The following CNNM2 variants were observed in gnomAD, a reference collection of about 807,000 sequenced individuals.
CNNM2 encodes metal transporter CNNM2.
A neutral mutation model predicts 66.9 loss-of-function variants in CNNM2; 12 were observed. The ratio of observed to expected loss-of-function variants is 0.18; its 90% CI spans 0.11 to 0.29. The LOEUF (loss-of-function observed/expected upper bound fraction) is 0.29. Ranked by LOEUF, CNNM2 falls within the 10% of genes least tolerant of loss-of-function variation. The pLI, the probability that CNNM2 is intolerant of heterozygous loss-of-function variation, is 1.00. For missense variants in CNNM2, 705 were observed against 1,167.7 expected, an observed-to-expected ratio of 0.60 and a Z score of 5.77; for synonymous variants, 557 against 501.8, an observed-to-expected ratio of 1.11 and a Z score of -1.47.
At chr10:102,995,357 C>T (rs1180270455) in intron 1 of CNNM2, among the ~76,000 whole-genome samples, 1 of 150,030 alleles carries the variant, frequency 6.7e-6, no homozygotes, top group East Asian at 2.0e-4. Context: ...GGACTACAGG[C>T]ATGTGCCACT....
At chr10:103,063,665 A>C (rs1211784916) in intron 4 of CNNM2, among the ~76,000 whole-genome samples, 2 of 152,214 alleles carry the variant, frequency 1.3e-5, no homozygotes, top group Non-Finnish European at 2.9e-5. Context: ...TTTACTCAGG[A>C]AGCCAACTTT....
intron 1 of CNNM2, among the ~76,000 whole-genome samples, chr10:103,002,926 CAT>C (rs965186814): frequency 3.9e-5 from 6 of 152,118 alleles, no homozygotes; most frequent in Admixed American, 2.6e-4. Context: ...GAAAGAAAAA[CAT>C]ATATTCACAT....
intron 6 of CNNM2, 70 bp downstream of exon 6, chr10:103,071,909 C>T (rs2065590590): frequency 7.4e-7 from 1 of 1,356,736 alleles, no homozygotes; most frequent in Non-Finnish European, 1.1e-6. Flanking sequence ...GCCTGGCTGG[C>T]TGGGTCTGCT....
At chr10:103,017,696 T>G (rs1242135795) in intron 1 of CNNM2, among the ~76,000 whole-genome samples, 1 of 152,052 alleles carries the variant, frequency 6.6e-6, no homozygotes, top group Non-Finnish European at 1.5e-5. Flanking sequence ...CTGGGCACAG[T>G]GACTCACACC....
At chr10:102,995,594 T>C (rs1469156332) in intron 1 of CNNM2, among the ~76,000 whole-genome samples, 4 of 152,046 alleles carry the variant, frequency 2.6e-5, no homozygotes, top group Non-Finnish European at 5.9e-5. Context: ...AGTTTTCAGG[T>C]TATGTAGATA....
chr10:102,937,916 C>T (rs1476976174), intron 1 of CNNM2, among the ~76,000 whole-genome samples: 1 of 151,922 alleles, frequency 6.6e-6, no homozygotes, highest in Non-Finnish European at 1.5e-5. Context: ...TGAGCCACTG[C>T]ACCCAACCCC....
At chr10:102,990,947 A>G (rs1291930773) in intron 1 of CNNM2, among the ~76,000 whole-genome samples, 1 of 152,198 alleles carries the variant, frequency 6.6e-6, no homozygotes. Context: ...ATCTCTGTGT[A>G]CAAATGAGAC....
At chr10:103,023,871 G>C (rs1161542821) in intron 1 of CNNM2, among the ~76,000 whole-genome samples, 1 of 152,110 alleles carries the variant, frequency 6.6e-6, no homozygotes, top group Non-Finnish European at 1.5e-5. Context: ...ATTGAGACTA[G>C]TATAATGAAT....
intron 1 of CNNM2, among the ~76,000 whole-genome samples, chr10:102,991,477 C>T (rs1278172730): frequency 6.6e-6 from 1 of 152,104 alleles, no homozygotes; most frequent in African/African-American, 2.4e-5. Context: ...AGTATCTGAT[C>T]TTAGGATTTG....
At chr10:102,988,096 T>G (rs554274140) in intron 1 of CNNM2, among the ~76,000 whole-genome samples, 25 of 152,138 alleles carry the variant, frequency 1.6e-4, no homozygotes, top group African/African-American at 5.8e-4. Context: ...GTCAGGAGTT[T>G]GAGACCAGCC....
chr10:103,053,533 C>G (rs1294959333), intron 2 of CNNM2, among the ~76,000 whole-genome samples: 1 of 152,108 alleles, frequency 6.6e-6, no homozygotes, highest in Non-Finnish European at 1.5e-5. Flanking sequence ...GAAAAGAAAC[C>G]AAAAGAAGAA....
chr10:103,035,362 A>G (rs956444176), intron 1 of CNNM2, among the ~76,000 whole-genome samples: 1 of 152,182 alleles, frequency 6.6e-6, no homozygotes, highest in Non-Finnish European at 1.5e-5. Flanking sequence ...TGTCTTAGCC[A>G]TGTTTTCCAT....
chr10:102,973,999 A>T (rs2063587323), intron 1 of CNNM2, among the ~76,000 whole-genome samples: 1 of 152,252 alleles, frequency 6.6e-6, no homozygotes. Context: ...GTGAAAGATA[A>T]CTATTGACAA....
At chr10:102,952,109 T>A (rs2134192675) in intron 1 of CNNM2, among the ~76,000 whole-genome samples, 1 of 151,476 alleles carries the variant, frequency 6.6e-6, no homozygotes, top group South Asian at 2.1e-4. Context: ...GGCCAATTTT[T>A]TAAATTTTTT....
chr10:103,055,399 A>G (rs1056491641), intron 3 of CNNM2, among the ~76,000 whole-genome samples: 1 of 152,256 alleles, frequency 6.6e-6, no homozygotes, highest in Admixed American at 6.5e-5. Flanking sequence ...AATGCTCACA[A>G]TATTATATTT....
intron 1 of CNNM2, among the ~76,000 whole-genome samples, chr10:102,922,586 C>T (rs1268741677): frequency 6.6e-6 from 1 of 152,080 alleles, no homozygotes; most frequent in Non-Finnish European, 1.5e-5. Context: ...AACAAACAAC[C>T]CCAACAATAC....
At chr10:102,998,713 C>CA (rs1275042384) in intron 1 of CNNM2, among the ~76,000 whole-genome samples, 2 of 152,062 alleles carry the variant, frequency 1.3e-5, no homozygotes, top group Non-Finnish European at 2.9e-5. Flanking sequence ...CAGGGTGACT[C>CA]ACGCCTGTAA....
At chr10:102,999,134 G>A (rs2064063167) in intron 1 of CNNM2, among the ~76,000 whole-genome samples, 1 of 149,920 alleles carries the variant, frequency 6.7e-6, no homozygotes, top group Non-Finnish European at 1.5e-5. Context: ...GTAGTGGCGC[G>A]ATCTTGGCTC....
At chr10:103,010,886 T>C (rs547354202) in intron 1 of CNNM2, among the ~76,000 whole-genome samples, 121 of 152,308 alleles carry the variant, frequency 7.9e-4, no homozygotes, top group African/African-American at 2.9e-3. Flanking sequence ...GTGCTGGGAT[T>C]ACAGGCGTAA....
Sources: allele counts gnomAD v4.1 joint callset (sites outside exome capture counted in the v4.1 genomes callset), GRCh38; gene constraint gnomAD v4.1.1; transcripts MANE v1.5; gene names NCBI Gene and HGNC (gene_info 2026-07-23, HGNC 2026-07-21).